ACTR3C: variants seen among roughly 807,000 people sequenced by gnomAD.
The protein encoded by ACTR3C is actin-related protein 3C.
Under a neutral mutation model 26.3 loss-of-function variants are expected in ACTR3C, and 18 were observed. That is an observed-to-expected ratio of 0.68 (90% CI 0.47 to 1.01). ACTR3C has a LOEUF of 1.01. Among genes scored for constraint, ACTR3C ranks in the 50% least tolerant of loss-of-function variants. The pLI is 0.00. For missense variants in ACTR3C, 184 were observed against 250.7 expected, an observed-to-expected ratio of 0.73 and a Z score of 1.80; for synonymous variants, 55 against 94.5, an observed-to-expected ratio of 0.58 and a Z score of 2.42.
Position 150,274,816 on chromosome 7 carries a change from T to TA in ACTR3C, c.564+9936dup, listed in dbSNP as rs1008616542. On this transcript the variant is annotated intron_variant, in intron 6 of 7. Coordinates refer to ENST00000683684, the MANE Select transcript of ACTR3C (RefSeq NM_001164458.2). The surrounding 1 kb of genome is among the most constrained non-coding windows in gnomAD (Gnocchi z 4.1). ...AGCCAAAAGCCAATATGATCGATTC[T>TA]AAAAAAAACACTTAATTCAGAAAAC... is the stretch of plus-strand genomic sequence containing the variant. Among the ~76,000 whole-genome samples the TA allele has an allele frequency of 5.9e-5, 9 of 151,968 alleles. No homozygotes were observed. The highest frequency in any genetic ancestry group is 4.2e-4 in the South Asian group (2 of 4,814).
chr7:149,953,766 C>A, the ACTR3C span, among the ~76,000 whole-genome samples: 1 of 149,452 alleles, frequency 6.7e-6, no homozygotes, highest in Non-Finnish European at 1.5e-5. Flanking sequence ...AACCTGTAAT[C>A]CTAAAAACCT....
chr7:149,973,520 C>G, the ACTR3C span, among the ~76,000 whole-genome samples: 1 of 152,196 alleles, frequency 6.6e-6, no homozygotes, highest in African/African-American at 2.4e-5. Flanking sequence ...CTTTACAAGA[C>G]TGCTTCAAAG....
At chr7:150,225,415 C>T in the ACTR3C span, among the ~76,000 whole-genome samples, 27 of 152,322 alleles carry the variant, frequency 1.8e-4, no homozygotes, top group Admixed American at 1.3e-3. Flanking sequence ...CAGCCCTTTT[C>T]CCTTACTTAT....
chr7:150,276,252 G>T (rs552420024), intron 6 of ACTR3C, among the ~76,000 whole-genome samples: 1 of 151,734 alleles, frequency 6.6e-6, no homozygotes, highest in Admixed American at 6.6e-5. Context: ...ATACTAAGAG[G>T]CTCTCTTAAC....
chr7:150,034,351 A>G, the ACTR3C span, among the ~76,000 whole-genome samples: 2 of 151,624 alleles, frequency 1.3e-5, no homozygotes, highest in Non-Finnish European at 3.0e-5. Context: ...TCTCTCTCTG[A>G]CGCATACAAT....
At chr7:149,957,122 G>A in the ACTR3C span, among the ~76,000 whole-genome samples, 3 of 152,194 alleles carry the variant, frequency 2.0e-5, no homozygotes, top group African/African-American at 7.2e-5. Flanking sequence ...GGAATCATGG[G>A]CATGAAGTGG....
At chr7:150,305,517 A>C (rs1795745728) in intron 1 of ACTR3C, among the ~76,000 whole-genome samples, 1 of 152,056 alleles carries the variant, frequency 6.6e-6, no homozygotes, top group Non-Finnish European at 1.5e-5. Flanking sequence ...TCGTCACCCT[A>C]ACCAAGTCAG....
At chr7:150,309,254 G>A (rs1796073784) in intron 1 of ACTR3C, among the ~76,000 whole-genome samples, 2 of 152,200 alleles carry the variant, frequency 1.3e-5, no homozygotes. Flanking sequence ...TCAAGGTAAA[G>A]ATGAAAACCC....
the ACTR3C span, among the ~76,000 whole-genome samples, chr7:150,227,710 T>G: frequency 0.021 from 3,039 of 147,406 alleles, 113 homozygotes; most frequent in South Asian, 0.039. Flanking sequence ...TGTTTTTTTT[T>G]TTTGGTATAT....
chr7:149,899,965 C>A, the ACTR3C span, among the ~76,000 whole-genome samples: 1 of 137,844 alleles, frequency 7.3e-6, no homozygotes, highest in Non-Finnish European at 1.6e-5. Flanking sequence ...ACACACACAC[C>A]AAAAAAAAAG....
At chr7:150,158,930 TGCGCAG>T in the ACTR3C span, among the ~76,000 whole-genome samples, 1 of 143,382 alleles carries the variant, frequency 7.0e-6, no homozygotes, top group Non-Finnish European at 1.5e-5. Context: ...CACACACATG[TGCGCAG>T]ACACACGGGC....
At chr7:150,094,273 T>C in the ACTR3C span, among the ~76,000 whole-genome samples, 1 of 149,530 alleles carries the variant, frequency 6.7e-6, no homozygotes, top group Non-Finnish European at 1.5e-5. Flanking sequence ...GAACCCAGAG[T>C]GAAATCTATT....
chr7:149,970,024 AACTAGAAAATAGGGATATTT>A, the ACTR3C span, among the ~76,000 whole-genome samples: 1 of 152,146 alleles, frequency 6.6e-6, no homozygotes, highest in Admixed American at 6.5e-5. Context: ...AAATCGGTAT[AACTAGAAAATAGGGATATTT>A]TGACTCAAAT....
chr7:150,194,966 T>C, the ACTR3C span, among the ~76,000 whole-genome samples: 1 of 151,930 alleles, frequency 6.6e-6, no homozygotes, highest in Non-Finnish European at 1.5e-5. Context: ...TGATGATGCG[T>C]GCCTGTAATC....
At chr7:150,091,855 G>A in the ACTR3C span, among the ~76,000 whole-genome samples, 1 of 150,694 alleles carries the variant, frequency 6.6e-6, no homozygotes, top group Admixed American at 6.6e-5. Flanking sequence ...GGGCGTGGTG[G>A]CGGGCGCCTG....
the ACTR3C span, among the ~76,000 whole-genome samples, chr7:150,172,410 C>T: frequency 6.6e-6 from 1 of 150,580 alleles, no homozygotes; most frequent in Non-Finnish European, 1.5e-5. Context: ...TCAGATCTCA[C>T]AAGACTTATT....
chr7:150,140,170 C>G, the ACTR3C span, among the ~76,000 whole-genome samples: 1 of 152,212 alleles, frequency 6.6e-6, no homozygotes, highest in Non-Finnish European at 1.5e-5. Context: ...AAATAAAGTT[C>G]GGTATCACTC....
the ACTR3C span, among the ~76,000 whole-genome samples, chr7:150,040,990 T>A: frequency 1.3e-5 from 2 of 150,526 alleles, no homozygotes; most frequent in Non-Finnish European, 2.9e-5. Context: ...TTAGCAACCC[T>A]GTCTAGTTGT....
chr7:150,037,508 G>C, the ACTR3C span, among the ~76,000 whole-genome samples: 1 of 53,986 alleles, frequency 1.9e-5, no homozygotes. Context: ...TGGAAGAGGG[G>C]ATAGCTCTCA....
Sources: gnomAD v4.1 joint callset for allele counts (sites outside exome capture counted in the v4.1 genomes callset) on GRCh38, gnomAD v4.1.1 for gene constraint, Gnocchi (gnomAD v3.1) non-coding constraint, MANE v1.5 for transcripts, NCBI Gene and HGNC (gene_info 2026-07-23, HGNC 2026-07-21) for gene names.